The following HMGCLL1 variants were observed in gnomAD, a reference collection of about 807,000 sequenced individuals.
HMGCLL1 encodes the protein 3-hydroxy-3-methylglutaryl-CoA lyase like 1.
In HMGCLL1, 36 loss-of-function variants were observed where a neutral mutation model predicts 39.1. That is an observed-to-expected ratio of 0.92 (90% CI 0.71 to 1.22). The LOEUF (loss-of-function observed/expected upper bound fraction) is 1.22, where lower values mean the gene tolerates loss of function less well. Among genes scored for constraint, HMGCLL1 ranks in the 50% most tolerant of loss-of-function variants. The probability of loss-of-function intolerance (pLI) is 0.00; values close to 1 mark genes in which losing one functional copy is unlikely to be tolerated. For missense variants in HMGCLL1, 451 were observed against 416.5 expected (o/e 1.08, Z -0.72); for synonymous variants, 149 against 144.0 (o/e 1.03, Z -0.25).
the HMGCLL1 span, among the ~76,000 whole-genome samples, chr6:55,630,429 G>A: frequency 2.6e-5 from 4 of 152,030 alleles, no homozygotes; most frequent in Admixed American, 2.6e-4. Flanking sequence ...AGGCAGAAGG[G>A]ATTTACCTTG....
intron 3 of HMGCLL1, among the ~76,000 whole-genome samples, chr6:55,541,249 T>C (rs1769417106): frequency 6.6e-6 from 1 of 152,148 alleles, no homozygotes. Context: ...TTATCTTCAA[T>C]GATATATTTG....
At chr6:55,552,194 G>T (rs754889159) in intron 1 of HMGCLL1, among the ~76,000 whole-genome samples, 1 of 151,854 alleles carries the variant, frequency 6.6e-6, no homozygotes, top group Non-Finnish European at 1.5e-5. Context: ...GTCTCAAATA[G>T]ACAACCCCGT....
At chr6:55,449,147 G>GT (rs1366105535) in intron 7 of HMGCLL1, among the ~76,000 whole-genome samples, 2 of 152,198 alleles carry the variant, frequency 1.3e-5, no homozygotes, top group Admixed American at 1.3e-4. Context: ...TGGCTGAACT[G>GT]TTTATCTGTG....
the HMGCLL1 span, among the ~76,000 whole-genome samples, chr6:55,647,682 A>T: frequency 6.7e-6 from 1 of 148,866 alleles, no homozygotes; most frequent in African/African-American, 2.5e-5. Flanking sequence ...TAAAAATTCT[A>T]CACTTTAATT....
the HMGCLL1 span, among the ~76,000 whole-genome samples, chr6:55,650,209 A>T: frequency 6.9e-6 from 1 of 144,456 alleles, no homozygotes; most frequent in Non-Finnish European, 1.5e-5. Flanking sequence ...TTTTGAGGTC[A>T]CGTTTCCCTG....
At chr6:55,512,091 T>C (rs1011687585) in intron 5 of HMGCLL1, 1 of 152,108 alleles carries the variant, frequency 6.6e-6, no homozygotes, top group Non-Finnish European at 1.5e-5. Context: ...GGGTTTAAGA[T>C]TTTTATTAGC....
At chr6:55,651,849 C>A in the HMGCLL1 span, among the ~76,000 whole-genome samples, 1 of 152,050 alleles carries the variant, frequency 6.6e-6, no homozygotes, top group Admixed American at 6.6e-5. Flanking sequence ...CCTAGCAGAG[C>A]TCTATTCTCT....
At chr6:55,672,240 T>G in the HMGCLL1 span, among the ~76,000 whole-genome samples, 3 of 151,868 alleles carry the variant, frequency 2.0e-5, no homozygotes, top group African/African-American at 7.2e-5. Context: ...ACTAATCTAC[T>G]TTATTACCCT....
chr6:55,599,537 G>T, the HMGCLL1 span, among the ~76,000 whole-genome samples: 8,779 of 152,158 alleles, frequency 0.058, 621 homozygotes, highest in African/African-American at 0.16. Flanking sequence ...ACTACTGAAA[G>T]AATTTTCTGA....
intron 1 of HMGCLL1, chr6:55,566,649 A>T (rs1432106394): frequency 2.2e-6 from 1 of 456,114 alleles, no homozygotes; most frequent in South Asian, 1.5e-5. Context: ...GAGTCATGTG[A>T]ACATGCATAT....
chr6:55,632,833 T>C, the HMGCLL1 span, among the ~76,000 whole-genome samples: 1 of 152,106 alleles, frequency 6.6e-6, no homozygotes, highest in Non-Finnish European at 1.5e-5. Context: ...TGGAATCTGC[T>C]AGATTTGGAT....
At chr6:55,446,715 G>A (rs992434315) in intron 7 of HMGCLL1, among the ~76,000 whole-genome samples, 1 of 151,658 alleles carries the variant, frequency 6.6e-6, no homozygotes, top group African/African-American at 2.4e-5. Flanking sequence ...GTTGCTGTAT[G>A]GTCTTATAAC....
At chr6:55,449,703 C>T (rs938960261) in intron 7 of HMGCLL1, among the ~76,000 whole-genome samples, 1 of 152,086 alleles carries the variant, frequency 6.6e-6, no homozygotes, top group Non-Finnish European at 1.5e-5. Context: ...TATTGGATCT[C>T]TTCTGTTGAC....
the HMGCLL1 span, among the ~76,000 whole-genome samples, chr6:55,615,722 A>G: frequency 6.6e-6 from 1 of 152,112 alleles, no homozygotes; most frequent in African/African-American, 2.4e-5. Context: ...TACAGCTACA[A>G]ACATCATAGG....
At position 55,571,140 on chromosome 6, in the gene HMGCLL1, C is replaced by A. The variant is rs78642564; in HGVS notation, c.108+7808G>T. 9.0e-3 allele frequency among the ~76,000 whole-genome samples: 1,373 copies of A among 152,284 alleles called. 34 individuals are homozygous for A. The highest frequency in any genetic ancestry group is 0.032 in the African/African-American group (1,331 of 41,558). On this transcript the variant is annotated intron_variant, in intron 1 of 8. Transcript: ENST00000274901. ...GGTTGGGGACACAGCCAAACCATGT[C>A]AAATACCTATCCTTTTAAGTTTCTA...
chr6:55,492,987 A>G (rs1251247925), intron 7 of HMGCLL1, among the ~76,000 whole-genome samples: 1 of 151,994 alleles, frequency 6.6e-6, no homozygotes, highest in Non-Finnish European at 1.5e-5. Context: ...GCACAGAAAC[A>G]CACAGATCTC....
At chr6:55,579,650 T>C (rs1224682151), upstream of HMGCLL1, among the ~76,000 whole-genome samples, 2 of 152,108 alleles carry the variant, frequency 1.3e-5, no homozygotes, top group Admixed American at 1.3e-4. Flanking sequence ...GAAAAGATAG[T>C]CTTAAATTAG....
At chr6:55,459,417 G>C (rs909397611) in intron 7 of HMGCLL1, among the ~76,000 whole-genome samples, 1 of 152,022 alleles carries the variant, frequency 6.6e-6, no homozygotes, top group Non-Finnish European at 1.5e-5. Flanking sequence ...ATTTGAACTT[G>C]GCCTTGAAAA....
At chr6:55,477,292 A>AT (rs1240447123) in intron 7 of HMGCLL1, among the ~76,000 whole-genome samples, 6 of 10,130 alleles carry the variant, frequency 5.9e-4, no homozygotes, top group East Asian at 6.0e-3. Flanking sequence ...ATTATATATA[A>AT]AATAATATAT....
Sources: gnomAD v4.1 joint callset for allele counts (sites outside exome capture counted in the v4.1 genomes callset) on GRCh38, gnomAD v4.1.1 for gene constraint, MANE v1.5 for transcripts, NCBI Gene and HGNC (gene_info 2026-07-23, HGNC 2026-07-21) for gene names.